ASXL3: variants seen among roughly 807,000 people sequenced by gnomAD.
ASXL3 encodes the protein putative Polycomb group protein ASXL3.
ASXL3 carries 34 observed loss-of-function variants against 170.6 expected under a neutral mutation model. That is an observed-to-expected ratio of 0.20 (90% CI 0.15 to 0.27). ASXL3 has a LOEUF of 0.27. Ranked by LOEUF, ASXL3 falls within the 10% of genes least tolerant of loss-of-function variation. ASXL3 has a pLI of 1.00. For missense variants in ASXL3, 2,592 were observed against 2,695.3 expected, an observed-to-expected ratio of 0.96 and a Z score of 0.85; for synonymous variants, 1,002 against 989.1, an observed-to-expected ratio of 1.01 and a Z score of -0.24.
rs979318334 is a variant in ASXL3 at position 33,728,632 on chromosome 18, G to T, written c.880-3336G>T. Among the ~76,000 whole-genome samples the T allele has an allele frequency of 4.6e-5, 7 of 152,006 alleles. No homozygotes were observed. In the East Asian group the frequency reaches 1.4e-3, roughly 29 times the overall value. On this transcript the variant is annotated intron_variant, in intron 8 of 11. Transcript: ENST00000269197. ...TCATTTCATCCACCCCCATCTCCCA[G>T]AATCATCCTGAGCAACTTTAATGTC...
In ASXL3 at chr18:33,578,849, C is replaced by T. The variant is rs908504294; in HGVS notation, c.54+164C>T. 12 of 339,536 alleles carry T rather than the reference C, an allele frequency of 3.5e-5. No individual in the cohort carries two copies. The Admixed American group carries it at 4.7e-4, about 13-fold the overall frequency. The allele number at this position is 339,536 out of a possible 1,614,324, so 21.0% of individuals were successfully genotyped here. A position where few individuals can be genotyped will look rare whatever the true frequency, so the allele number is the denominator to read the frequency against. ...GCGGGAGTGGGCTCGCCCGGGGGCC[C>T]CTGTGTGTGTGCGTGCGCGCGCGGA... On this transcript the variant is annotated intron_variant, in intron 1 of 11. Coordinates refer to ENST00000269197, the MANE Select transcript of ASXL3 (RefSeq NM_030632.3).
rs1021654142 is a variant in ASXL3 at position 33,748,760 on chromosome 18, C to T, written c.*2165C>T. 2 of 152,238 alleles carry T rather than the reference C, an allele frequency of 1.3e-5. No homozygotes were observed. The highest frequency in any genetic ancestry group is 1.5e-5 in the Non-Finnish European group (1 of 68,062). 9.4% of individuals were successfully genotyped at this position (152,238 alleles called of 1,614,324 possible). On this transcript the variant is annotated 3_prime_UTR_variant, in exon 12 of 12. Coordinates refer to ENST00000269197, the MANE Select transcript of ASXL3 (RefSeq NM_030632.3). ...TGCCAACTCCTTCCAAATTCATTCA[C>T]TGCTATACCAGTGTCAGATACTGTC...
At chr18:33,631,702 G>T (rs1466883090) in intron 2 of ASXL3, among the ~76,000 whole-genome samples, 1 of 152,092 alleles carries the variant, frequency 6.6e-6, no homozygotes, top group African/African-American at 2.4e-5. Flanking sequence ...CATTTGGAAT[G>T]ATTTAAGAAA....
chr18:33,626,586 C>T (rs1013657665), intron 2 of ASXL3: 13 of 151,880 alleles, frequency 8.6e-5, no homozygotes, highest in South Asian at 4.2e-4. Context: ...GAAGATTAGC[C>T]TTGGAAACCA....
chr18:33,610,358 T>C (rs2065315772), intron 2 of ASXL3, among the ~76,000 whole-genome samples: 1 of 152,016 alleles, frequency 6.6e-6, no homozygotes, highest in African/African-American at 2.4e-5. Context: ...GTTACTAATA[T>C]GGCCATAACC....
chr18:33,692,404 C>A (rs2066701034), intron 8 of ASXL3, among the ~76,000 whole-genome samples: 1 of 152,084 alleles, frequency 6.6e-6, no homozygotes, highest in African/African-American at 2.4e-5. Context: ...CAAACCCAAG[C>A]CTTTTCTGTG....
At chr18:33,663,393 T>C (rs909359895) in intron 5 of ASXL3, among the ~76,000 whole-genome samples, 10 of 152,184 alleles carry the variant, frequency 6.6e-5, no homozygotes, top group African/African-American at 2.4e-4. Flanking sequence ...TACAACTCTC[T>C]GTATTGTTCT....
chr18:33,701,798 T>C (rs554449289), intron 8 of ASXL3, among the ~76,000 whole-genome samples: 1 of 152,232 alleles, frequency 6.6e-6, no homozygotes, highest in Non-Finnish European at 1.5e-5. Context: ...AAACATTTTT[T>C]TTATTATTTT....
intron 8 of ASXL3, among the ~76,000 whole-genome samples, chr18:33,720,433 A>G (rs1025376790): frequency 6.6e-6 from 1 of 152,078 alleles, no homozygotes; most frequent in Non-Finnish European, 1.5e-5. Context: ...TCACTAAATA[A>G]AACATTAGTA....
At chr18:33,689,945 A>T (rs1271602951) in intron 8 of ASXL3, among the ~76,000 whole-genome samples, 1 of 152,128 alleles carries the variant, frequency 6.6e-6, no homozygotes, top group Non-Finnish European at 1.5e-5. Flanking sequence ...ATTATGCTTA[A>T]ATTGTCCCAC....
chr18:33,670,438 G>A (rs889703734), intron 5 of ASXL3, among the ~76,000 whole-genome samples: 5 of 152,166 alleles, frequency 3.3e-5, no homozygotes, highest in African/African-American at 1.2e-4. Context: ...TTTGTTGTTA[G>A]AATTATACCG....
Position 33,739,183 on chromosome 18 carries a change from G to A in ASXL3, c.1779G>A (p.Glu593=). ...ATGAAGGAATTGCTATAGATATGGA[G>A]CTACAGAGTGACCCTGAAGAACAGC... ...FPNEGIAIDM[E]LQSDPEEQLS... The change falls in exon 11 of 12, where the codon GAG becomes GAA. Residue 593 remains glutamate, a synonymous_variant. Transcript: ENST00000269197. 1.9e-6 allele frequency: 3 copies of A among 1,613,832 alleles called. No homozygotes were observed. The highest frequency in any genetic ancestry group is 2.5e-6 in the Non-Finnish European group (3 of 1,179,840).
intron 2 of ASXL3, among the ~76,000 whole-genome samples, chr18:33,640,348 C>A (rs1463500926): frequency 6.6e-6 from 1 of 151,812 alleles, no homozygotes; most frequent in Non-Finnish European, 1.5e-5. Context: ...TAGAGAGTTT[C>A]TTATTGACAA....
At chr18:33,607,539 T>A in intron 1 of ASXL3, 55 bp from the exon 2 acceptor site, 1 of 1,371,180 alleles carries the variant, frequency 7.3e-7, no homozygotes, top group African/African-American at 1.5e-5. Context: ...TCACATACAT[T>A]TTCATTTTGT....
chr18:33,621,550 A>T (rs944817857), intron 2 of ASXL3, among the ~76,000 whole-genome samples: 1 of 152,134 alleles, frequency 6.6e-6, no homozygotes. Context: ...ATAGTGATCT[A>T]AAATTTTTGA....
chr18:33,695,324 AG>A (rs977862399), intron 8 of ASXL3, among the ~76,000 whole-genome samples: 1 of 152,112 alleles, frequency 6.6e-6, no homozygotes, highest in African/African-American at 2.4e-5. Flanking sequence ...AGTACTTAGA[AG>A]ATCCATTATT....
At position 33,689,524 on chromosome 18, in the gene ASXL3, T is replaced by G. The variant is rs570330758; in HGVS notation, c.879+5956T>G. ...TCCTTCATTTGGATCAGTTCTTTAGTCTTTCCATGATGTTCATGACCTTGA... is the reference window on the plus strand; with the variant it reads ...TCCTTCATTTGGATCAGTTCTTTAGGCTTTCCATGATGTTCATGACCTTGA... On this transcript the variant is annotated intron_variant, in intron 8 of 11. Coordinates refer to ENST00000269197, the MANE Select transcript of ASXL3 (RefSeq NM_030632.3). Among the ~76,000 whole-genome samples the G allele has an allele frequency of 6.8e-4, 104 of 152,336 alleles. 1 individual carries two copies. The highest frequency in any genetic ancestry group is 2.5e-3 in the African/African-American group (102 of 41,578).
At chr18:33,646,204 T>C (rs758937142) in intron 3 of ASXL3, 41 bp from the exon 4 acceptor site, 8 of 1,522,234 alleles carry the variant, frequency 5.3e-6, no homozygotes, top group Non-Finnish European at 7.3e-6. Flanking sequence ...TAGTTGCTAA[T>C]ACATCTTCTC....
intron 2 of ASXL3, among the ~76,000 whole-genome samples, chr18:33,613,525 T>C (rs9789118): frequency 0.015 from 2,341 of 152,208 alleles, 126 homozygotes; most frequent in East Asian, 0.1. Context: ...ACACAAATTG[T>C]TTGGTTTCCC....
Sources: gnomAD v4.1 joint callset for allele counts (sites outside exome capture counted in the v4.1 genomes callset) on GRCh38, gnomAD v4.1.1 for gene constraint, MANE v1.5 for transcripts, NCBI Gene and HGNC (gene_info 2026-07-23, HGNC 2026-07-21) for gene names.